PLA2G2F: variants seen among roughly 807,000 people sequenced by gnomAD.
The protein encoded by PLA2G2F is group IIF secretory phospholipase A2.
In PLA2G2F, 17 loss-of-function variants were observed where a neutral mutation model predicts 15.9. The observed-to-expected ratio is 1.07, with a 90% CI of 0.73 to 1.60. The LOEUF is 1.60. Ranked by LOEUF, PLA2G2F falls within the 40% of genes most tolerant of loss-of-function variation. The pLI is 0.00. For synonymous variants in PLA2G2F, 119 were observed against 106.5 expected (o/e 1.12, Z -0.72); for missense variants, 299 against 278.2 (o/e 1.07, Z -0.53).
chr1:20,148,183 C>A lies in PLA2G2F; in HGVS notation c.425-7C>A, dbSNP rs747325185. 3.1e-6 allele frequency: 5 copies of A among 1,613,580 alleles called. No individual in the cohort carries two copies. The highest frequency in any genetic ancestry group is 4.2e-6 in the Non-Finnish European group (5 of 1,179,560). On this transcript the variant is annotated splice_polypyrimidine_tract_variant and splice_region_variant and intron_variant, in intron 4 of 4. Coordinates refer to ENST00000375102, the MANE Select transcript of PLA2G2F (RefSeq NM_022819.4). ...TCCACAGCCTTTGCCACCCCATCCC[C>A]CTGTAGGTGACCTCAACAAGACAGA...
rs753636427 is a variant in PLA2G2F, at chr1:20,148,268, C to A, written c.503C>A (p.Thr168Lys). Residue 168 changes from threonine to lysine, a missense_variant, in exon 5 of 5, where the codon ACG (threonine) becomes AAG (lysine). Coordinates refer to ENST00000375102, the MANE Select transcript of PLA2G2F (RefSeq NM_022819.4). ...ATGGTTCTGTGCCTCATGAACCAGA[C>A]GTACCGAGAGGAGTACCGTGGCTTC... Reference protein sequence around the residue: ...KNMVLCLMNQTYREEYRGFLN... With the variant: ...KNMVLCLMNQKYREEYRGFLN... 4 of 1,613,978 alleles carry A rather than the reference C, an allele frequency of 2.5e-6. No individual in the cohort carries two copies. Among genetic ancestry groups the A allele is most frequent in the Non-Finnish European group, 2.5e-6 (3 of 1,179,998 alleles).
In PLA2G2F at chr1:20,150,071, C is replaced by G. The variant is rs1367935455; in HGVS notation, c.*1670C>G. 6.6e-6 allele frequency: 1 copy of G among 152,418 alleles called. No individual in the cohort carries two copies. The highest frequency in any genetic ancestry group is 2.4e-5 in the African/African-American group (1 of 41,466). The allele number at this position is 152,418 out of a possible 1,614,324, so 9.4% of individuals were successfully genotyped here. A position where few individuals can be genotyped will look rare whatever the true frequency, so the allele number is the denominator to read the frequency against. ...AGCCCCAGCCTTGGAGACAAGGACA[C>G]TGCCACCCAGCGCCACAGTCAGTCT... On this transcript the variant is annotated 3_prime_UTR_variant, in exon 5 of 5. Transcript: ENST00000375102.
chr1:20,148,387 C>T lies in PLA2G2F; in HGVS notation c.622C>T (p.Pro208Ser), dbSNP rs1198973808. The change falls in exon 5 of 5, where the codon CCC becomes TCC. Residue 208 changes from proline (P) to serine (S), a missense_variant. Pro to Ser is a moderately conservative substitution (Grantham distance 74). Transcript: ENST00000375102. ...CTGCAGTCACCAATCCCCAGCGCCCCCCGCCCCTCCCTAGAGCCTCTGAGG... is the reference window on the plus strand; with the variant it reads ...CTGCAGTCACCAATCCCCAGCGCCCTCCGCCCCTCCCTAGAGCCTCTGAGG... ...VTCSHQSPAP[P>S]APP The T allele has an allele frequency of 1.2e-6, 2 of 1,611,616 alleles. No homozygotes were observed. Among genetic ancestry groups the T allele is most frequent in the East Asian group, 4.5e-5 (2 of 44,858 alleles).
intron 4 of PLA2G2F, among the ~76,000 whole-genome samples, chr1:20,146,183 C>T (rs1055806538): frequency 1.3e-5 from 2 of 152,218 alleles, no homozygotes; most frequent in Non-Finnish European, 2.9e-5. Flanking sequence ...ACATGCTGGC[C>T]TGGGAGTCAG....
rs773122553 is a variant in PLA2G2F at position 20,148,403 on chromosome 1, G to T, written c.*2G>T. ...CCAGCGCCCCCCGCCCCTCCCTAGA[G>T]CCTCTGAGGTTTGAGAGAGAGAGCG... On this transcript the variant is annotated 3_prime_UTR_variant, in exon 5 of 5. Coordinates refer to ENST00000375102, the MANE Select transcript of PLA2G2F (RefSeq NM_022819.4). 1 of 1,608,362 alleles carries T rather than the reference G, an allele frequency of 6.2e-7. No homozygotes were observed. Among genetic ancestry groups the T allele is most frequent in the Admixed American group, 1.7e-5 (1 of 59,996 alleles).
At position 20,143,510 on chromosome 1, in the gene PLA2G2F, G is replaced by C. The variant is rs1467718288; in HGVS notation, c.234G>C (p.Arg78Ser). 3 of 1,614,054 alleles carry C rather than the reference G, an allele frequency of 1.9e-6. No homozygotes were observed. Among genetic ancestry groups the C allele is most frequent in the Non-Finnish European group, 2.5e-6 (3 of 1,179,970 alleles). The part of the protein sequence containing the change: ...LKAMVEAVTG[R>S]SAILSFVGYG... ...CCATGGTGGAGGCCGTCACAGGGAG[G>C]AGCGCCATCCTGTCCTTCGTGGGCT... The change falls in exon 3 of 5, where the codon AGG becomes AGC. Residue 78 changes from arginine (R) to serine (S), a missense_variant. Coordinates refer to ENST00000375102, the MANE Select transcript of PLA2G2F (RefSeq NM_022819.4).
At position 20,143,509 on chromosome 1, in the gene PLA2G2F, G is replaced by A. The variant is rs1287325036; in HGVS notation, c.233G>A (p.Arg78Lys). The change falls in exon 3 of 5, where the codon AGG becomes AAG. Residue 78 changes from arginine to lysine, a missense_variant. Arg to Lys is a conservative substitution (Grantham distance 26, BLOSUM62 2). Coordinates refer to ENST00000375102, the MANE Select transcript of PLA2G2F (RefSeq NM_022819.4). ...LKAMVEAVTGRSAILSFVGYG... is the reference protein window; with the variant it reads ...LKAMVEAVTGKSAILSFVGYG... ...GCCATGGTGGAGGCCGTCACAGGGA[G>A]GAGCGCCATCCTGTCCTTCGTGGGC... 6.2e-7 allele frequency: 1 copy of A among 1,614,082 alleles called. No homozygotes were observed. Among genetic ancestry groups the A allele is most frequent in the Non-Finnish European group, 8.5e-7 (1 of 1,179,964 alleles).
At position 20,148,904 on chromosome 1, in the gene PLA2G2F, G is replaced by C. The variant is rs2017672676; in HGVS notation, c.*503G>C. The C allele has an allele frequency of 6.0e-6, 1 of 165,376 alleles. No individual in the cohort carries two copies. Among genetic ancestry groups the C allele is most frequent in the Non-Finnish European group, 1.3e-5 (1 of 75,406 alleles). 10.2% of individuals were successfully genotyped at this position (165,376 alleles called of 1,614,324 possible). ...TCCCACAGGATGGCCTGGGGTGGTG[G>C]CTACTTTGGGCTTGAAGCTCTCTAG... is the stretch of plus-strand genomic sequence containing the variant. On this transcript the variant is annotated 3_prime_UTR_variant, in exon 5 of 5. Transcript: ENST00000375102.
rs1444332579 is a variant in PLA2G2F at position 20,150,064 on chromosome 1, A to G, written c.*1663A>G. 1.3e-5 allele frequency: 2 copies of G among 152,376 alleles called. No homozygotes were observed. The highest frequency in any genetic ancestry group is 1.5e-5 in the Non-Finnish European group (1 of 68,182). The allele number at this position is 152,376 out of a possible 1,614,324, so 9.4% of individuals were successfully genotyped here. On this transcript the variant is annotated 3_prime_UTR_variant, in exon 5 of 5. Coordinates refer to ENST00000375102, the MANE Select transcript of PLA2G2F (RefSeq NM_022819.4). ...TTTCCAGAGCCCCAGCCTTGGAGAC[A>G]AGGACACTGCCACCCAGCGCCACAG...
intron 2 of PLA2G2F, 173 bp downstream of exon 2, chr1:20,140,391 C>T: frequency 1.6e-6 from 1 of 629,244 alleles, no homozygotes; most frequent in Non-Finnish European, 2.7e-6. Context: ...GCTGTTTACC[C>T]CTCCAGCCAC....
rs372519986 is a variant in PLA2G2F at position 20,148,175 on chromosome 1, C to T, written c.425-15C>T. ...CCCTTTCATCCACAGCCTTTGCCAC[C>T]CCATCCCCCTGTAGGTGACCTCAAC... On this transcript the variant is annotated splice_polypyrimidine_tract_variant and intron_variant, in intron 4 of 4. Coordinates refer to ENST00000375102, the MANE Select transcript of PLA2G2F (RefSeq NM_022819.4). 8 of 1,611,322 alleles carry T rather than the reference C, an allele frequency of 5.0e-6. No homozygotes were observed. In the African/African-American group the frequency reaches 1.1e-4, roughly 21 times the overall value.
chr1:20,143,680 A>G, intron 3 of PLA2G2F, 90 bp downstream of exon 3: 1 of 1,483,748 alleles, frequency 6.7e-7, no homozygotes, highest in Non-Finnish European at 9.1e-7. Context: ...TGAGTGGGGG[A>G]GACCTTCTTT....
In PLA2G2F at chr1:20,143,571, C is replaced by A. The variant is rs2017523085; in HGVS notation, c.295C>A (p.Pro99Thr). The A allele has an allele frequency of 6.2e-7, 1 of 1,613,862 alleles. No individual in the cohort carries two copies. The highest frequency in any genetic ancestry group is 2.2e-5 in the East Asian group (1 of 44,868). The change falls in exon 3 of 5, where the codon CCC becomes ACC. Residue 99 changes from proline (P) to threonine (T), a missense_variant. Pro to Thr is a conservative substitution (Grantham distance 38). Coordinates refer to ENST00000375102, the MANE Select transcript of PLA2G2F (RefSeq NM_022819.4). Reference sequence around the variant, plus strand: ...CTGTGGGCTGGGGGGCCGTGGCCAGCCCAAGGATGAGGTGGACTGGTAGGT... The same window carrying A: ...CTGTGGGCTGGGGGGCCGTGGCCAGACCAAGGATGAGGTGGACTGGTAGGT... The part of the protein sequence containing the change: ...CYCGLGGRGQ[P>T]KDEVDWCCHA...
Position 20,148,179 on chromosome 1 carries a change from TC to T in PLA2G2F, c.425-6del. On this transcript the variant is annotated splice_polypyrimidine_tract_variant and intron_variant, in intron 4 of 4. Transcript: ENST00000375102. ...TTCATCCACAGCCTTTGCCACCCCA[TC>T]CCCCTGTAGGTGACCTCAACAAGAC... 6.2e-7 allele frequency: 1 copy of T among 1,611,514 alleles called. No individual in the cohort carries two copies. The highest frequency in any genetic ancestry group is 8.5e-7 in the Non-Finnish European group (1 of 1,177,904).
At position 20,148,503 on chromosome 1, in the gene PLA2G2F, G is replaced by A; in HGVS notation, c.*102G>A. The stretch of plus-strand genomic sequence containing the variant: ...CCAGGCCAGGAGCCTGAGGGTTGCT[G>A]GTTGCCTCCTCCCTGGAGCTCTCCA... On this transcript the variant is annotated 3_prime_UTR_variant, in exon 5 of 5. Coordinates refer to ENST00000375102, the MANE Select transcript of PLA2G2F (RefSeq NM_022819.4). 1 of 977,296 alleles carries A rather than the reference G, an allele frequency of 1.0e-6. No individual in the cohort carries two copies. The highest frequency in any genetic ancestry group is 1.5e-6 in the Non-Finnish European group (1 of 651,530). 60.5% of individuals were successfully genotyped at this position (977,296 alleles called of 1,614,324 possible).
In PLA2G2F at chr1:20,140,231, T is replaced by C. The variant is rs759415820; in HGVS notation, c.169+13T>C. Reference sequence around the variant, plus strand: ...CTTGCTGGCAGCGGTGAGTAAAGACTCCAGAGGGCTCCTCCTTCTCTCCCA... The same window carrying C: ...CTTGCTGGCAGCGGTGAGTAAAGACCCCAGAGGGCTCCTCCTTCTCTCCCA... On this transcript the variant is annotated intron_variant, in intron 2 of 4. Transcript: ENST00000375102. The C allele has an allele frequency of 2.9e-5, 46 of 1,612,490 alleles. No individual in the cohort carries two copies. Among genetic ancestry groups the C allele is most frequent in the Non-Finnish European group, 3.9e-5 (46 of 1,179,090 alleles).
In PLA2G2F at chr1:20,148,555, A is replaced by G. The variant is rs1336476180; in HGVS notation, c.*154A>G. 1.5e-5 allele frequency: 10 copies of G among 647,032 alleles called. No individual in the cohort carries two copies. In the African/African-American group the frequency reaches 1.6e-4, roughly 11 times the overall value. The allele number at this position is 647,032 out of a possible 1,614,324, so 40.1% of individuals were successfully genotyped here. On this transcript the variant is annotated 3_prime_UTR_variant, in exon 5 of 5. Coordinates refer to ENST00000375102, the MANE Select transcript of PLA2G2F (RefSeq NM_022819.4). ...TGAGGGCTCAGCTCTCAGAGGACTC[A>G]GGAAGGCCTGGGTCCTGACTCCCCC...
At chr1:20,141,202 G>A (rs989018680) in intron 2 of PLA2G2F, 3 of 152,274 alleles carry the variant, frequency 2.0e-5, no homozygotes, top group African/African-American at 7.2e-5. Flanking sequence ...CGCTTGGACG[G>A]TCAGTGTGGA....
intron 4 of PLA2G2F, among the ~76,000 whole-genome samples, chr1:20,146,964 C>A (rs144986120): frequency 6.6e-6 from 1 of 152,228 alleles, no homozygotes; most frequent in Non-Finnish European, 1.5e-5. Flanking sequence ...GTGCTGGTCA[C>A]AGTCCCTGAG....
Sources: gnomAD v4.1 joint callset for allele counts (sites outside exome capture counted in the v4.1 genomes callset) on GRCh38, gnomAD v4.1.1 for gene constraint, MANE v1.5 for transcripts, NCBI Gene and HGNC (gene_info 2026-07-23, HGNC 2026-07-21) for gene names.